Variants in MTR observed in about 807,000 individuals in gnomAD.
MTR encodes 5-methyltetrahydrofolate-homocysteine methyltransferase.
In MTR, 84 loss-of-function variants were observed where a neutral mutation model predicts 154.8. That is an observed-to-expected ratio of 0.54 (90% CI 0.45 to 0.65). The LOEUF (loss-of-function observed/expected upper bound fraction) is 0.65. MTR is among the 30% of genes least tolerant of loss of function. The pLI, the probability that MTR is intolerant of heterozygous loss-of-function variation, is 0.00. For synonymous variants in MTR, 554 were observed against 553.9 expected (o/e 1.00, Z 0.00); for missense variants, 1,275 against 1,570.2 (o/e 0.81, Z 3.18).
chr1:236,832,046 T>C lies in MTR; in HGVS notation c.1156T>C (p.Phe386Leu), dbSNP rs1440609178. ...CTGTAATGTTGCAGGATCAAGGAAG[T>C]TTGCTAAACTCATCATGGCAGGAAA... ...ERCNVAGSRK[F>L]AKLIMAGNYE... Residue 386 changes from phenylalanine (F) to leucine (L), a missense_variant, in exon 13 of 33, where the codon TTT (phenylalanine) becomes CTT (leucine). Coordinates refer to ENST00000366577, the MANE Select transcript of MTR (RefSeq NM_000254.3). 1 of 1,614,106 alleles carries C rather than the reference T, an allele frequency of 6.2e-7. No individual in the cohort carries two copies.
Position 236,900,217 on chromosome 1 carries a change from G to C in MTR, c.*2573G>C, listed in dbSNP as rs1229179308. On this transcript the variant is annotated 3_prime_UTR_variant, in exon 33 of 33. Transcript: ENST00000366577. ...AATTAGATATATATATTCATTCTAC[G>C]GGATATTATTCAGTAGTGGAAATGA... is the stretch of plus-strand genomic sequence containing the variant. 2.8e-6 allele frequency: 1 copy of C among 356,310 alleles called. No homozygotes were observed. Among genetic ancestry groups the C allele is most frequent in the Non-Finnish European group, 5.6e-6 (1 of 177,450 alleles). 22.1% of individuals were successfully genotyped at this position (356,310 alleles called of 1,614,324 possible). A position where few individuals can be genotyped will look rare whatever the true frequency, so the allele number is the denominator to read the frequency against.
At chr1:236,821,941 T>G (rs1197079897) in intron 8 of MTR, among the ~76,000 whole-genome samples, 1 of 152,190 alleles carries the variant, frequency 6.6e-6, no homozygotes, top group Non-Finnish European at 1.5e-5. Flanking sequence ...CAATTCCACA[T>G]TGTCTTGATT....
intron 22 of MTR, among the ~76,000 whole-genome samples, chr1:236,864,736 A>T (rs897359701): frequency 4.6e-5 from 7 of 152,196 alleles, no homozygotes; most frequent in Non-Finnish European, 7.3e-5. Context: ...TGCAAACCTG[A>T]GGTTGTTGGT....
At chr1:236,883,366 C>T (rs1380135056) in intron 25 of MTR, among the ~76,000 whole-genome samples, 1 of 152,164 alleles carries the variant, frequency 6.6e-6, no homozygotes, top group Non-Finnish European at 1.5e-5. Context: ...GCCACTGTGG[C>T]TCTGGGAGCA....
At chr1:236,801,546 T>C (rs1036815456) in intron 1 of MTR, among the ~76,000 whole-genome samples, 1 of 152,232 alleles carries the variant, frequency 6.6e-6, no homozygotes, top group Non-Finnish European at 1.5e-5. Flanking sequence ...CAAATATTCT[T>C]ACATTACTGG....
At chr1:236,812,021 C>T (rs978136440) in intron 5 of MTR, among the ~76,000 whole-genome samples, 3 of 152,194 alleles carry the variant, frequency 2.0e-5, no homozygotes, top group African/African-American at 7.2e-5. Flanking sequence ...GCTGGGGCTA[C>T]AGGCGTGTGC....
intron 2 of MTR, among the ~76,000 whole-genome samples, chr1:236,805,624 G>T (rs562155345): frequency 1.2e-3 from 184 of 152,212 alleles, no homozygotes; most frequent in African/African-American, 4.4e-3. Flanking sequence ...CTTCCGAGTA[G>T]CTGGGACTAC....
chr1:236,852,644 TA>T lies in MTR; in HGVS notation c.1812+8del. On this transcript the variant is annotated splice_region_variant and intron_variant, in intron 17 of 32. Coordinates refer to ENST00000366577, the MANE Select transcript of MTR (RefSeq NM_000254.3). ...CCTTTACCATGCAATCAAGGTATGGTAGAAGAACTCTTAGCCCTGCGGAAAC... is the reference window on the plus strand; with the variant it reads ...CCTTTACCATGCAATCAAGGTATGGTGAAGAACTCTTAGCCCTGCGGAAAC... 1 of 1,610,278 alleles carries T rather than the reference TA, an allele frequency of 6.2e-7. No homozygotes were observed. The highest frequency in any genetic ancestry group is 8.5e-7 in the Non-Finnish European group (1 of 1,176,536).
intron 8 of MTR, chr1:236,820,248 A>G (rs1303189295): frequency 2.9e-5 from 22 of 753,748 alleles, no homozygotes; most frequent in Non-Finnish European, 4.9e-5. Flanking sequence ...GCTTGTACAG[A>G]GATCCTGAAG....
Position 236,852,328 on chromosome 1 carries a change from C to T in MTR, c.1696-193C>T, listed in dbSNP as rs2275568. On this transcript the variant is annotated intron_variant, in intron 16 of 32. Transcript: ENST00000366577. The stretch of plus-strand genomic sequence containing the variant: ...GGAGTCTAGTAGGAAAAACTACTTA[C>T]GAAGCAGCGCCTTTGTAATACTGTA... Among the ~76,000 whole-genome samples, 64,548 of 151,666 alleles carry T rather than the reference C, an allele frequency of 0.43. 13,924 individuals carry two copies. The highest frequency in any genetic ancestry group is 0.46 in the East Asian group (2,366 of 5,148).
intron 15 of MTR, among the ~76,000 whole-genome samples, chr1:236,849,010 G>C (rs555718010): frequency 6.6e-6 from 1 of 152,068 alleles, no homozygotes; most frequent in African/African-American, 2.4e-5. Context: ...CATTTTTCGC[G>C]TTCATTGAGA....
chr1:236,861,584 A>T (rs1007408524), intron 20 of MTR, among the ~76,000 whole-genome samples: 14 of 152,334 alleles, frequency 9.2e-5, no homozygotes, highest in African/African-American at 3.1e-4. Flanking sequence ...AAAACCCAAG[A>T]TAAATGTAGA....
chr1:236,839,492 G>C (rs1663105935), intron 15 of MTR, among the ~76,000 whole-genome samples: 1 of 152,050 alleles, frequency 6.6e-6, no homozygotes, highest in African/African-American at 2.4e-5. Flanking sequence ...TTATCAAATA[G>C]AAGAAAAAAT....
In MTR at chr1:236,862,290, A is replaced by G; in HGVS notation, c.2251A>G (p.Met751Val). ...GGCTGTTGGCCACCTTATCCCTTTCATGGAAAAAGAAAGAGAAGAAACCAG... is the reference window on the plus strand; with the variant it reads ...GGCTGTTGGCCACCTTATCCCTTTCGTGGAAAAAGAAAGAGAAGAAACCAG... ...KKAVGHLIPFMEKEREETRVL... is the reference protein window; with the variant it reads ...KKAVGHLIPFVEKEREETRVL... Residue 751 changes from methionine (M) to valine (V), a missense_variant, in exon 21 of 33, where the codon ATG becomes GTG. Coordinates refer to ENST00000366577, the MANE Select transcript of MTR (RefSeq NM_000254.3). The G allele has an allele frequency of 1.9e-6, 3 of 1,614,010 alleles. No individual in the cohort carries two copies. The highest frequency in any genetic ancestry group is 1.7e-6 in the Non-Finnish European group (2 of 1,179,920).
intron 15 of MTR, among the ~76,000 whole-genome samples, chr1:236,840,206 G>A (rs190545334): frequency 6.6e-6 from 1 of 152,326 alleles, no homozygotes; most frequent in Admixed American, 6.5e-5. Flanking sequence ...GACTGCAAAA[G>A]AGAGATAGTT....
chr1:236,852,592 C>G lies in MTR; in HGVS notation c.1767C>G (p.Ala589=). The part of the protein sequence containing the change: ...NLSFSFRGME[A]IREAMHGVFL... ...CCTTCTCCTTCCGAGGAATGGAAGC[C>G]ATTCGAGAAGCAATGCATGGGGTTT... Residue 589 remains alanine, a synonymous_variant, in exon 17 of 33, where the codon GCC becomes GCG. Coordinates refer to ENST00000366577, the MANE Select transcript of MTR (RefSeq NM_000254.3). 6.2e-7 allele frequency: 1 copy of G among 1,614,022 alleles called. No individual in the cohort carries two copies. The highest frequency in any genetic ancestry group is 2.2e-5 in the East Asian group (1 of 44,874).
intron 8 of MTR, among the ~76,000 whole-genome samples, chr1:236,817,333 T>C (rs1661655389): frequency 6.6e-6 from 1 of 152,024 alleles, no homozygotes; most frequent in Non-Finnish European, 1.5e-5. Context: ...ACCTGTTCAC[T>C]CTGCTGACTT....
At chr1:236,853,448 T>C (rs1664033903) in intron 18 of MTR, among the ~76,000 whole-genome samples, 2 of 152,172 alleles carry the variant, frequency 1.3e-5, no homozygotes, top group Non-Finnish European at 2.9e-5. Flanking sequence ...AGTTAAACAC[T>C]TGAGATTTTG....
chr1:236,852,712 A>T, intron 17 of MTR, 75 bp downstream of exon 17: 1 of 1,358,548 alleles, frequency 7.4e-7, no homozygotes, highest in Non-Finnish European at 1.1e-6. Flanking sequence ...TGTGGCATGC[A>T]GGCTAAGTCC....
Sources: gnomAD v4.1 joint callset for allele counts (sites outside exome capture counted in the v4.1 genomes callset) on GRCh38, gnomAD v4.1.1 for gene constraint, MANE v1.5 for transcripts, NCBI Gene and HGNC (gene_info 2026-07-23, HGNC 2026-07-21) for gene names.